The following EFCAB3 variants were observed in gnomAD, a reference collection of about 807,000 sequenced individuals.
EFCAB3 encodes EF-hand calcium-binding domain-containing protein 3.
A neutral mutation model predicts 42.2 loss-of-function variants in EFCAB3; 36 were observed. That is an observed-to-expected ratio of 0.85 (90% CI 0.65 to 1.13). The LOEUF (loss-of-function observed/expected upper bound fraction) is 1.13. Ranked by LOEUF, EFCAB3 falls within the 50% of genes most tolerant of loss-of-function variation. The probability of loss-of-function intolerance (pLI) is 0.00; values close to 1 mark genes in which losing one functional copy is unlikely to be tolerated. For synonymous variants in EFCAB3, 170 were observed against 172.8 expected (o/e 0.98, Z 0.13); for missense variants, 418 against 505.1 (o/e 0.83, Z 1.65).
At position 62,414,970 on chromosome 17, in the gene EFCAB3, C is replaced by G. The variant is rs187509548; in HGVS notation, c.991-1033C>G. On this transcript the variant is annotated intron_variant, in intron 9 of 9. Transcript: ENST00000305286. ...AATACAAAAATTAGCTGGGCATGGT[C>G]GTGGGCGCCTGTAATCCCAGCTACT... is the stretch of plus-strand genomic sequence containing the variant. Among the ~76,000 whole-genome samples, 812 of 151,734 alleles carry G rather than the reference C, an allele frequency of 5.4e-3. 11 individuals are homozygous for G. Among genetic ancestry groups the G allele is most frequent in the African/African-American group, 0.017 (708 of 41,364 alleles).
intron 6 of EFCAB3, among the ~76,000 whole-genome samples, chr17:62,405,131 G>A (rs979880674): frequency 6.6e-6 from 1 of 152,210 alleles, no homozygotes; most frequent in Non-Finnish European, 1.5e-5. Context: ...GAGCCATAGA[G>A]TATATAGAGA....
chr17:62,373,863 T>C (rs1270203919), exon 2 of EFCAB3: 1 of 1,446,662 alleles, frequency 6.9e-7, no homozygotes, highest in Admixed American at 2.0e-5. Context: ...TGAAGAAGTT[T>C]AAACGTAAGT....
At chr17:62,402,164 G>T (rs1383695442) in intron 6 of EFCAB3, among the ~76,000 whole-genome samples, 1 of 152,182 alleles carries the variant, frequency 6.6e-6, no homozygotes, top group African/African-American at 2.4e-5. Flanking sequence ...TGCTGAAGTT[G>T]CTTATCAGCT....
intron 6 of EFCAB3, among the ~76,000 whole-genome samples, chr17:62,396,837 C>T (rs2070354025): frequency 6.6e-6 from 1 of 151,958 alleles, no homozygotes; most frequent in Non-Finnish European, 1.5e-5. Context: ...TGTGATTGTG[C>T]CACTACACTC....
chr17:62,390,392 G>C (rs989982815), intron 3 of EFCAB3, among the ~76,000 whole-genome samples: 1 of 152,174 alleles, frequency 6.6e-6, no homozygotes, highest in African/African-American at 2.4e-5. Flanking sequence ...GCAGGTACAG[G>C]TGCTGGTCAG....
intron 2 of EFCAB3, among the ~76,000 whole-genome samples, chr17:62,384,876 A>G (rs1351136479): frequency 2.6e-5 from 4 of 152,192 alleles, no homozygotes; most frequent in Admixed American, 2.6e-4. Context: ...CTTTCAGTAC[A>G]GGAGTCAATA....
chr17:62,392,070 G>GCC, intron 4 of EFCAB3, 105 bp downstream of exon 4: 2 of 1,027,696 alleles, frequency 1.9e-6, no homozygotes. Flanking sequence ...TTATTTACTT[G>GCC]CCCCCCCAAA....
chr17:62,386,586 C>CA (rs2070253622), intron 2 of EFCAB3, among the ~76,000 whole-genome samples: 2 of 152,024 alleles, frequency 1.3e-5, no homozygotes, highest in African/African-American at 4.8e-5. Flanking sequence ...TTGGAGCCAG[C>CA]AAAAAAGAAA....
At position 62,391,909 on chromosome 17, in the gene EFCAB3, G is replaced by A; in HGVS notation, c.239G>A (p.Gly80Glu). 6.2e-7 allele frequency: 1 copy of A among 1,613,502 alleles called. No individual in the cohort carries two copies. Among genetic ancestry groups the A allele is most frequent in the Non-Finnish European group, 8.5e-7 (1 of 1,179,680 alleles). ...CTGATGTGCACTGTAGCTAAGCTGGGAATGAATCTGACCAAGCATGATGTC... is the reference window on the plus strand; with the variant it reads ...CTGATGTGCACTGTAGCTAAGCTGGAAATGAATCTGACCAAGCATGATGTC... ...HGLMCTVAKL[G>E]MNLTKHDVYN... The change falls in exon 4 of 10, where the codon GGA becomes GAA. Residue 80 changes from glycine (G) to glutamate (E), a missense_variant. Physicochemically the swap from Gly to Glu is moderately conservative, Grantham distance 98. Transcript: ENST00000305286.
chr17:62,415,898 T>G, intron 9 of EFCAB3, 105 bp from the exon 10 acceptor site: 1 of 999,902 alleles, frequency 1.0e-6, no homozygotes, highest in Non-Finnish European at 1.5e-6. Flanking sequence ...ATTCAGTGAC[T>G]TTCGAGTAGC....
chr17:62,380,687 TA>T (rs1275657508), intron 1 of EFCAB3, 74 bp downstream of exon 1: 15 of 776,430 alleles, frequency 1.9e-5, no homozygotes, highest in African/African-American at 1.9e-4. Context: ...GAATTGAAGG[TA>T]TTTTTTTAAA....
intron 1 of EFCAB3, chr17:62,381,858 A>G: frequency 2.3e-6 from 1 of 430,658 alleles, no homozygotes; most frequent in Non-Finnish European, 4.7e-6. Flanking sequence ...CAAGGTTGCC[A>G]GTGTACCTGC....
At chr17:62,379,821 A>G (rs1011164383), upstream of EFCAB3, among the ~76,000 whole-genome samples, 1 of 152,226 alleles carries the variant, frequency 6.6e-6, no homozygotes, top group African/African-American at 2.4e-5. Flanking sequence ...GCTTAAAACA[A>G]TCTTTTCTGT....
At chr17:62,380,675 G>A (rs1300579124) in intron 1 of EFCAB3, 62 bp downstream of exon 1, 1 of 815,670 alleles carries the variant, frequency 1.2e-6, no homozygotes, top group Non-Finnish European at 1.5e-6. Flanking sequence ...TATTATCTAT[G>A]AGAATTGAAG....
upstream of EFCAB3, among the ~76,000 whole-genome samples, chr17:62,377,042 T>C (rs2070156184): frequency 6.7e-6 from 1 of 149,186 alleles, no homozygotes. Context: ...AGCCAAGCAA[T>C]AGAGAGAGAG....
intron 2 of EFCAB3, among the ~76,000 whole-genome samples, chr17:62,385,000 G>A (rs1324488122): frequency 6.6e-6 from 1 of 152,182 alleles, no homozygotes; most frequent in African/African-American, 2.4e-5. Flanking sequence ...GCTCGGCTAA[G>A]CTATGTAGGT....
At chr17:62,388,890 C>G (rs185001687) in intron 3 of EFCAB3, among the ~76,000 whole-genome samples, 45 of 152,250 alleles carry the variant, frequency 3.0e-4, no homozygotes, top group African/African-American at 9.6e-4. Context: ...TTTAAGGTTT[C>G]TAAAGTGCCT....
At chr17:62,412,194 G>A (rs1304397913) in intron 8 of EFCAB3, among the ~76,000 whole-genome samples, 5 of 151,432 alleles carry the variant, frequency 3.3e-5, no homozygotes, top group African/African-American at 4.8e-5. Flanking sequence ...TGGCCAACAT[G>A]GTGAAACCCC....
upstream of EFCAB3, among the ~76,000 whole-genome samples, chr17:62,380,020 A>G (rs2070182755): frequency 6.6e-6 from 1 of 151,952 alleles, no homozygotes; most frequent in Non-Finnish European, 1.5e-5. Flanking sequence ...TTTTTTTCTG[A>G]GACAAAAGTC....
Sources: allele counts gnomAD v4.1 joint callset (sites outside exome capture counted in the v4.1 genomes callset), GRCh38; gene constraint gnomAD v4.1.1; transcripts MANE v1.5; gene names NCBI Gene and HGNC (gene_info 2026-07-23, HGNC 2026-07-21).